GRIK2: variants seen among roughly 807,000 people sequenced by gnomAD.
The protein encoded by GRIK2 is glutamate receptor ionotropic, kainate 2.
In GRIK2, 32 loss-of-function variants were observed where a neutral mutation model predicts 100.3. The ratio of observed to expected loss-of-function variants is 0.32; its 90% CI spans 0.24 to 0.43. The LOEUF (loss-of-function observed/expected upper bound fraction) is 0.43. GRIK2 is among the 20% of genes least tolerant of loss of function. The probability of loss-of-function intolerance (pLI) is 1.00; values close to 1 mark genes in which losing one functional copy is unlikely to be tolerated. For synonymous variants in GRIK2, 417 were observed against 389.4 expected (o/e 1.07, Z -0.83); for missense variants, 843 against 1,114.9 (o/e 0.76, Z 3.47).
At chr6:101,633,784 G>T (rs952289042) in intron 4 of GRIK2, among the ~76,000 whole-genome samples, 7 of 152,022 alleles carry the variant, frequency 4.6e-5, no homozygotes, top group African/African-American at 1.7e-4. Flanking sequence ...TAGAGTTCTG[G>T]GAAAGAAACA....
chr6:101,878,673 T>A lies in GRIK2; in HGVS notation c.1525-10967T>A, dbSNP rs534382703. Among the ~76,000 whole-genome samples, 3 of 152,086 alleles carry A rather than the reference T, an allele frequency of 2.0e-5. No individual in the cohort carries two copies. In the East Asian group the frequency reaches 5.8e-4, roughly 30 times the overall value. ...GACTTATCACGCTTTCTCTTACAAG[T>A]CATTCGTTATCGTCTCTGAATTCTC... is the stretch of plus-strand genomic sequence containing the variant. On this transcript the variant is annotated intron_variant, in intron 11 of 16. Coordinates refer to ENST00000369134, the MANE Select transcript of GRIK2 (RefSeq NM_021956.5).
At chr6:101,737,964 C>A (rs561631417) in intron 7 of GRIK2, among the ~76,000 whole-genome samples, 1 of 152,122 alleles carries the variant, frequency 6.6e-6, no homozygotes, top group East Asian at 1.9e-4. Flanking sequence ...GCTCTGGAGG[C>A]AAATGAATTA....
intron 2 of GRIK2, among the ~76,000 whole-genome samples, chr6:101,556,337 T>TA (rs1562223620): frequency 3.8e-5 from 3 of 78,824 alleles, no homozygotes; most frequent in Non-Finnish European, 7.5e-5. Context: ...TTTTTTTTTT[T>TA]TTTTTTTTTT....
intron 7 of GRIK2, among the ~76,000 whole-genome samples, chr6:101,793,894 C>G (rs1440534693): frequency 2.6e-5 from 4 of 152,194 alleles, no homozygotes; most frequent in African/African-American, 9.6e-5. Flanking sequence ...CTTTGTTTAC[C>G]TAAGTGAGCC....
chr6:101,971,327 A>G (rs1306875434), intron 14 of GRIK2, among the ~76,000 whole-genome samples: 1 of 152,068 alleles, frequency 6.6e-6, no homozygotes, highest in Non-Finnish European at 1.5e-5. Context: ...GAGAAAATAA[A>G]TGTAATCTTC....
At chr6:101,965,938 A>T (rs1260949530) in intron 14 of GRIK2, among the ~76,000 whole-genome samples, 1 of 152,172 alleles carries the variant, frequency 6.6e-6, no homozygotes, top group Non-Finnish European at 1.5e-5. Flanking sequence ...TATTCTTTTT[A>T]TAATAATTAT....
At chr6:101,627,746 G>A (rs972918321) in intron 4 of GRIK2, among the ~76,000 whole-genome samples, 1 of 152,078 alleles carries the variant, frequency 6.6e-6, no homozygotes, top group Non-Finnish European at 1.5e-5. Context: ...TTTACTAAAT[G>A]ATATTTATTT....
chr6:102,068,679 C>T lies in GRIK2; in HGVS notation c.*168C>T, dbSNP rs1463862002. On this transcript the variant is annotated 3_prime_UTR_variant, in exon 17 of 17. Coordinates refer to ENST00000369134, the MANE Select transcript of GRIK2 (RefSeq NM_021956.5). Reference sequence around the variant, plus strand: ...GATCTAAGCAGTTGCAATGATCAGACTTGATTTACAAGCATCATGGATCAA... The same window carrying T: ...GATCTAAGCAGTTGCAATGATCAGATTTGATTTACAAGCATCATGGATCAA... 2 of 590,266 alleles carry T rather than the reference C, an allele frequency of 3.4e-6. No individual in the cohort carries two copies. The highest frequency in any genetic ancestry group is 3.0e-6 in the Non-Finnish European group (1 of 337,360). The allele number at this position is 590,266 out of a possible 1,614,324, so 36.6% of individuals were successfully genotyped here.
chr6:101,649,945 T>A (rs1206173041), intron 4 of GRIK2, among the ~76,000 whole-genome samples: 1 of 152,086 alleles, frequency 6.6e-6, no homozygotes, highest in Admixed American at 6.6e-5. Flanking sequence ...AAAAGCCAGA[T>A]GATCCCTTTT....
chr6:101,452,602 A>C (rs1770774586), intron 2 of GRIK2, among the ~76,000 whole-genome samples: 1 of 151,856 alleles, frequency 6.6e-6, no homozygotes, highest in African/African-American at 2.4e-5. Flanking sequence ...GCAATGATAC[A>C]TACAAAGATA....
intron 13 of GRIK2, among the ~76,000 whole-genome samples, chr6:101,926,432 C>T (rs1040946835): frequency 2.6e-5 from 4 of 152,000 alleles, no homozygotes; most frequent in South Asian, 2.1e-4. Context: ...GCAAGACTTT[C>T]GTTTTAAAAG....
At chr6:101,472,763 G>A (rs751001197) in intron 2 of GRIK2, among the ~76,000 whole-genome samples, 1 of 151,722 alleles carries the variant, frequency 6.6e-6, no homozygotes, top group Non-Finnish European at 1.5e-5. Context: ...TTGTTACACT[G>A]TCCGCTTTCA....
intron 2 of GRIK2, among the ~76,000 whole-genome samples, chr6:101,556,091 C>A (rs1341516588): frequency 6.6e-6 from 1 of 151,946 alleles, no homozygotes; most frequent in East Asian, 1.9e-4. Context: ...TTATATATAT[C>A]ACAGATGCGT....
At chr6:101,957,464 CTTAT>C (rs1460916014) in intron 14 of GRIK2, among the ~76,000 whole-genome samples, 4 of 151,134 alleles carry the variant, frequency 2.6e-5, no homozygotes, top group African/African-American at 4.8e-5. Flanking sequence ...TTGTGATTTT[CTTAT>C]TTATTTATTT....
intron 4 of GRIK2, among the ~76,000 whole-genome samples, chr6:101,647,905 T>C (rs981926650): frequency 9.9e-5 from 15 of 151,892 alleles, no homozygotes; most frequent in Non-Finnish European, 1.6e-4. Flanking sequence ...TAGGCAAGAG[T>C]TTATCAACCT....
At chr6:101,541,157 A>G (rs1328895792) in intron 2 of GRIK2, among the ~76,000 whole-genome samples, 3 of 151,968 alleles carry the variant, frequency 2.0e-5, no homozygotes, top group Non-Finnish European at 2.9e-5. Flanking sequence ...TGGAAAACCA[A>G]TTGATTTAAA....
chr6:101,418,322 A>G (rs530675131), intron 2 of GRIK2, among the ~76,000 whole-genome samples: 6 of 152,292 alleles, frequency 3.9e-5, no homozygotes, highest in Admixed American at 3.3e-4. Flanking sequence ...GCTTTCTGGC[A>G]GTGGATAAAA....
intron 2 of GRIK2, among the ~76,000 whole-genome samples, chr6:101,612,248 A>G (rs1173221384): frequency 2.0e-5 from 3 of 151,868 alleles, no homozygotes; most frequent in Non-Finnish European, 4.4e-5. Context: ...GAATTAATCT[A>G]CCTTGCAGGA....
intron 2 of GRIK2, among the ~76,000 whole-genome samples, chr6:101,530,427 G>A (rs1775382870): frequency 6.6e-6 from 1 of 151,800 alleles, no homozygotes; most frequent in African/African-American, 2.4e-5. Context: ...AGATACATTA[G>A]TGAAAAACAT....
Sources: gnomAD v4.1 joint callset for allele counts (sites outside exome capture counted in the v4.1 genomes callset) on GRCh38, gnomAD v4.1.1 for gene constraint, MANE v1.5 for transcripts, NCBI Gene and HGNC (gene_info 2026-07-23, HGNC 2026-07-21) for gene names.